Variants in ACADL observed in about 807,000 individuals in gnomAD.
ACADL encodes the protein acyl-CoA dehydrogenase long chain, also known as long-chain specific acyl-CoA dehydrogenase, mitochondrial.
ACADL carries 60 observed loss-of-function variants against 56.9 expected under a neutral mutation model. That is an observed-to-expected ratio of 1.05 (90% CI 0.86 to 1.31). The LOEUF is 1.31. ACADL is among the 50% of genes most tolerant of loss of function. The pLI is 0.00. For missense variants in ACADL, 484 were observed against 525.5 expected (o/e 0.92, Z 0.77); for synonymous variants, 158 against 179.7 (o/e 0.88, Z 0.97).
chr2:210,218,248 C>A, intron 2 of ACADL, 146 bp from the exon 3 acceptor site: 1 of 690,586 alleles, frequency 1.4e-6, no homozygotes, highest in Non-Finnish European at 2.4e-6. Context: ...CTATTTGCCT[C>A]TGACTCTTTT....
intron 8 of ACADL, among the ~76,000 whole-genome samples, chr2:210,198,642 G>A (rs1299889273): frequency 6.6e-6 from 1 of 151,994 alleles, no homozygotes; most frequent in Non-Finnish European, 1.5e-5. Context: ...AAGAGTGTAG[G>A]TTCTGGAATT....
chr2:210,189,133 ACTATT>A, intron 10 of ACADL, 79 bp from the exon 11 acceptor site: 1 of 972,828 alleles, frequency 1.0e-6, no homozygotes, highest in South Asian at 1.3e-5. Flanking sequence ...TAACTCATAA[ACTATT>A]CAATTAGTGA....
intron 3 of ACADL, chr2:210,217,628 A>G (rs191121041): frequency 1.1e-5 from 2 of 185,202 alleles, no homozygotes; most frequent in African/African-American, 4.7e-5. Flanking sequence ...TTAAATTTCT[A>G]ATATATTTGA....
At chr2:210,196,686 C>A (rs747879255) in intron 8 of ACADL, among the ~76,000 whole-genome samples, 1 of 152,160 alleles carries the variant, frequency 6.6e-6, no homozygotes, top group Non-Finnish European at 1.5e-5. Context: ...TAGTTGATTT[C>A]TTAGGTCCAA....
chr2:210,225,231 G>C lies in ACADL; in HGVS notation c.33C>G (p.Arg11=). 1 of 1,554,218 alleles carries C rather than the reference G, an allele frequency of 6.4e-7. No homozygotes were observed. The change falls in exon 1 of 11, where the codon CGC becomes CGG. Residue 11 remains arginine, a synonymous_variant. Transcript: ENST00000233710. MAARLLRGSL[R]VLGGHRAPRQ... The stretch of plus-strand genomic sequence containing the variant: ...GCGGCGCACGGTGGCCGCCCAGGAC[G>C]CGTAGGGACCCTCGGAGAAGGCGTG...
intron 4 of ACADL, among the ~76,000 whole-genome samples, chr2:210,215,544 C>T (rs761881976): frequency 5.3e-5 from 8 of 152,126 alleles, no homozygotes; most frequent in Non-Finnish European, 7.4e-5. Context: ...GATTTTCCTC[C>T]TTGGTCCCTT....
chr2:210,195,461 G>GT (rs1405863402), intron 8 of ACADL, 123 bp from the exon 9 acceptor site: 3 of 1,074,030 alleles, frequency 2.8e-6, no homozygotes, highest in Admixed American at 2.1e-5. Context: ...GGAATTGTTG[G>GT]TTTTTTCCTC....
intron 5 of ACADL, chr2:210,209,860 C>CT (rs1488146159): frequency 2.9e-5 from 6 of 207,540 alleles, no homozygotes; most frequent in African/African-American, 1.4e-4. Flanking sequence ...TTCCCCCAAT[C>CT]TTTTATCAAC....
At chr2:210,222,310 A>C (rs1689187869) in intron 1 of ACADL, among the ~76,000 whole-genome samples, 1 of 152,034 alleles carries the variant, frequency 6.6e-6, no homozygotes, top group African/African-American at 2.4e-5. Context: ...AAAGTAGAGA[A>C]GGGATCAGGA....
chr2:210,223,527 G>A (rs1689211849), intron 1 of ACADL, among the ~76,000 whole-genome samples: 1 of 152,118 alleles, frequency 6.6e-6, no homozygotes, highest in Admixed American at 6.6e-5. Flanking sequence ...AGGTAAAAAA[G>A]CTGTTACAAC....
rs1688613506 is a variant in ACADL, at chr2:210,190,433, A to G, written c.1200-1379T>C. 1.3e-5 allele frequency among the ~76,000 whole-genome samples: 2 copies of G among 152,154 alleles called. 1 individual carries two copies. Among genetic ancestry groups the G allele is most frequent in the Admixed American group, 1.3e-4 (2 of 15,264 alleles). On this transcript the variant is annotated intron_variant, in intron 10 of 10. Transcript: ENST00000233710. ...GTAAATGGGCTAGGCTTCTTTTTACATTAAAGAAGTTCCAATGGAGTAAAG... is the reference window on the plus strand; with the variant it reads ...GTAAATGGGCTAGGCTTCTTTTTACGTTAAAGAAGTTCCAATGGAGTAAAG...
chr2:210,216,111 G>A (rs905202720), intron 4 of ACADL, among the ~76,000 whole-genome samples: 3 of 152,108 alleles, frequency 2.0e-5, no homozygotes, highest in African/African-American at 7.2e-5. Context: ...ATTCATTATG[G>A]TGAAAATTCA....
chr2:210,210,057 C>A (rs1688952560), intron 5 of ACADL, 139 bp downstream of exon 5: 1 of 711,496 alleles, frequency 1.4e-6, no homozygotes, highest in East Asian at 2.6e-5. Context: ...TGTAAATTTA[C>A]TGTCTCCAAA....
rs779578807 is a variant in ACADL, at chr2:210,220,791, G to C, written c.89C>G (p.Ser30Cys). 2 of 1,604,418 alleles carry C rather than the reference G, an allele frequency of 1.2e-6. No homozygotes were observed. Among genetic ancestry groups the C allele is most frequent in the Non-Finnish European group, 1.7e-6 (2 of 1,174,740 alleles). ...AGTTTCTAGACGTTCTTCCCCTCCG[G>C]AATGAGAACATCTTAAAAATATATA... ...RQLPAARCSH[S>C]GGEERLETPS... Residue 30 changes from serine (S) to cysteine (C), a missense_variant, in exon 2 of 11, where the codon TCC (serine) becomes TGC (cysteine). Physicochemically the swap from Ser to Cys is moderately radical, Grantham distance 112. Transcript: ENST00000233710.
chr2:210,210,337 G>A (rs1464780601), intron 4 of ACADL, 75 bp from the exon 5 acceptor site: 1 of 1,135,996 alleles, frequency 8.8e-7, no homozygotes, highest in Non-Finnish European at 1.3e-6. Flanking sequence ...AAGTATGTAT[G>A]TAAATTAGAT....
At chr2:210,219,669 C>G (rs568760045) in intron 2 of ACADL, among the ~76,000 whole-genome samples, 1 of 152,262 alleles carries the variant, frequency 6.6e-6, no homozygotes, top group East Asian at 1.9e-4. Flanking sequence ...GTACGGATGT[C>G]TCTGTACTTT....
intron 9 of ACADL, 66 bp from the exon 10 acceptor site, chr2:210,192,956 AC>A (rs776843800): frequency 4.0e-5 from 48 of 1,195,010 alleles, no homozygotes; most frequent in Non-Finnish European, 5.3e-5. Context: ...GTGCTTCAAA[AC>A]CAGAAAACTA....
At chr2:210,204,456 A>G in intron 7 of ACADL, 125 bp downstream of exon 7, 1 of 731,166 alleles carries the variant, frequency 1.4e-6, no homozygotes, top group Non-Finnish European at 2.3e-6. Flanking sequence ...TACTCAAATG[A>G]TTAGCTATTT....
At chr2:210,201,150 G>T (rs927000180) in intron 8 of ACADL, among the ~76,000 whole-genome samples, 6 of 152,176 alleles carry the variant, frequency 3.9e-5, no homozygotes, top group African/African-American at 1.4e-4. Flanking sequence ...GAGGAGAGGA[G>T]CCTAGCCTCT....
Sources: allele counts gnomAD v4.1 joint callset (sites outside exome capture counted in the v4.1 genomes callset), GRCh38; gene constraint gnomAD v4.1.1; transcripts MANE v1.5; gene names NCBI Gene and HGNC (gene_info 2026-07-23, HGNC 2026-07-21).